RARB: variants seen among roughly 807,000 people sequenced by gnomAD.
The protein encoded by RARB is retinoic acid receptor beta, also known as HBV-activated protein.
In RARB, 17 loss-of-function variants were observed where a neutral mutation model predicts 51.9. That is an observed-to-expected ratio of 0.33 (90% CI 0.22 to 0.49). The LOEUF (loss-of-function observed/expected upper bound fraction) is 0.49, where lower values mean the gene tolerates loss of function less well. Among genes scored for constraint, RARB ranks in the 20% least tolerant of loss-of-function variants. The pLI is 0.99. For missense variants in RARB, 369 were observed against 550.8 expected (o/e 0.67, Z 3.30); for synonymous variants, 215 against 195.4 (o/e 1.10, Z -0.84).
chr3:25,348,796 G>C (rs1026888189), intron 5 of RARB, among the ~76,000 whole-genome samples: 1 of 152,120 alleles, frequency 6.6e-6, no homozygotes, highest in Non-Finnish European at 1.5e-5. Flanking sequence ...ACTTGAGTAC[G>C]CATCCAAGCC....
chr3:24,840,468 T>C (rs148518271), intron 1 of RARB, among the ~76,000 whole-genome samples: 37 of 152,272 alleles, frequency 2.4e-4, no homozygotes, highest in Admixed American at 1.6e-3. Flanking sequence ...TGTGGGTTCG[T>C]AGTGACAGTT....
At chr3:25,029,705 G>C (rs1697828562) in intron 2 of RARB, among the ~76,000 whole-genome samples, 2 of 152,212 alleles carry the variant, frequency 1.3e-5, no homozygotes, top group African/African-American at 4.8e-5. Flanking sequence ...AATCCTTTGA[G>C]AGGTGTGAGT....
chr3:25,370,529 G>T (rs376863990), intron 5 of RARB, among the ~76,000 whole-genome samples: 10 of 152,144 alleles, frequency 6.6e-5, no homozygotes, highest in Non-Finnish European at 1.3e-4. Flanking sequence ...GAAAATACCC[G>T]CTTAAATATG....
intron 5 of RARB, among the ~76,000 whole-genome samples, chr3:25,233,770 T>G (rs1412737089): frequency 2.6e-5 from 4 of 151,262 alleles, no homozygotes; most frequent in East Asian, 1.9e-4. Context: ...GTTGTTGTTT[T>G]TTTTTTTTTA....
intron 2 of RARB, among the ~76,000 whole-genome samples, chr3:24,893,692 T>G (rs1446572443): frequency 3.3e-5 from 5 of 152,040 alleles, no homozygotes; most frequent in Non-Finnish European, 7.4e-5. Flanking sequence ...TGATTTTTTT[T>G]TTTTTTTAAT....
chr3:24,940,002 C>T (rs1695626419), intron 2 of RARB, among the ~76,000 whole-genome samples: 1 of 152,192 alleles, frequency 6.6e-6, no homozygotes, highest in Middle Eastern at 3.2e-3. Context: ...AAACAATGTT[C>T]TCACTCATTT....
chr3:25,317,487 A>C (rs1317909845), intron 5 of RARB, among the ~76,000 whole-genome samples: 1 of 152,180 alleles, frequency 6.6e-6, no homozygotes, highest in African/African-American at 2.4e-5. Flanking sequence ...TAATAAAGCT[A>C]GTCTCATTTC....
intron 5 of RARB, among the ~76,000 whole-genome samples, chr3:25,237,834 C>A (rs948463470): frequency 6.6e-6 from 1 of 152,104 alleles, no homozygotes; most frequent in African/African-American, 2.4e-5. Flanking sequence ...ATTTTGGATA[C>A]CTCATATATA....
intron 2 of RARB, among the ~76,000 whole-genome samples, chr3:24,962,235 G>A (rs1696157633): frequency 1.3e-5 from 2 of 152,016 alleles, no homozygotes; most frequent in African/African-American, 4.8e-5. Context: ...GGCCCCTTTG[G>A]GTGTCTTTTA....
chr3:25,103,996 G>A (rs1699452529), intron 3 of RARB, among the ~76,000 whole-genome samples: 1 of 152,146 alleles, frequency 6.6e-6, no homozygotes, highest in Non-Finnish European at 1.5e-5. Context: ...TGAAAGTGTG[G>A]ACACTCACAT....
At chr3:24,869,302 T>C (rs1395543640) in intron 2 of RARB, among the ~76,000 whole-genome samples, 3 of 152,156 alleles carry the variant, frequency 2.0e-5, no homozygotes, top group Non-Finnish European at 2.9e-5. Context: ...TTTTGATGTA[T>C]TGGAAAAAGA....
intron 5 of RARB, among the ~76,000 whole-genome samples, chr3:25,278,178 G>A (rs1703437417): frequency 6.6e-6 from 1 of 152,186 alleles, no homozygotes; most frequent in African/African-American, 2.4e-5. Flanking sequence ...TTGGTGTGGT[G>A]TGGTGGTTGG....
At chr3:25,437,100 C>G (rs992509860) in intron 1 of RARB, among the ~76,000 whole-genome samples, 4 of 149,456 alleles carry the variant, frequency 2.7e-5, no homozygotes, top group Non-Finnish European at 5.9e-5. Context: ...GGCTTACGTG[C>G]CTTTGCTAAA....
Position 25,318,932 on chromosome 3 carries a change from A to G in RARB, c.179-142261A>G, listed in dbSNP as rs561532613. The stretch of plus-strand genomic sequence containing the variant: ...TTTTATTTTAACTCTTGTAGTGCCC[A>G]GCATAGATAGTAACTCATGCTCTGT... On this transcript the variant is annotated intron_variant, in intron 5 of 11. Transcript: ENST00000383772. Among the ~76,000 whole-genome samples, 5 of 152,334 alleles carry G rather than the reference A, an allele frequency of 3.3e-5. No individual in the cohort carries two copies. The South Asian group carries it at 1.0e-3, about 32-fold the overall frequency.
chr3:24,840,047 G>T (rs1702400222), intron 1 of RARB, among the ~76,000 whole-genome samples: 1 of 152,110 alleles, frequency 6.6e-6, no homozygotes, highest in Non-Finnish European at 1.5e-5. Context: ...CCAGATAAAT[G>T]ACCTCCAGCA....
intron 2 of RARB, among the ~76,000 whole-genome samples, chr3:24,964,011 A>C (rs1696200346): frequency 6.6e-6 from 1 of 152,158 alleles, no homozygotes. Flanking sequence ...AACAGAACAA[A>C]AGGGTCACAG....
At chr3:24,928,370 G>C (rs1213861411) in intron 2 of RARB, among the ~76,000 whole-genome samples, 1 of 151,906 alleles carries the variant, frequency 6.6e-6, no homozygotes, top group Non-Finnish European at 1.5e-5. Context: ...AACCCATCCT[G>C]TAAGTAAGAC....
intron 4 of RARB, among the ~76,000 whole-genome samples, chr3:25,168,707 G>C (rs114241817): frequency 6.6e-6 from 1 of 152,150 alleles, no homozygotes; most frequent in East Asian, 1.9e-4. Flanking sequence ...AAAAGAGAAC[G>C]AATGGATGAA....
intron 2 of RARB, among the ~76,000 whole-genome samples, chr3:24,958,535 T>A (rs1696072822): frequency 6.6e-6 from 1 of 152,168 alleles, no homozygotes; most frequent in African/African-American, 2.4e-5. Context: ...GGTTTCCCTT[T>A]TTCCTTTTCA....
Sources: allele counts gnomAD v4.1 joint callset (sites outside exome capture counted in the v4.1 genomes callset), GRCh38; gene constraint gnomAD v4.1.1; transcripts MANE v1.5; gene names NCBI Gene and HGNC (gene_info 2026-07-23, HGNC 2026-07-21).